ESPNL: variants seen among roughly 807,000 people sequenced by gnomAD.
ESPNL encodes the protein espin like, also known as espin-like protein.
A neutral mutation model predicts 46.8 loss-of-function variants in ESPNL; 49 were observed. The observed-to-expected ratio is 1.05, with a 90% CI of 0.83 to 1.33. The LOEUF (loss-of-function observed/expected upper bound fraction) is 1.33, where lower values mean the gene tolerates loss of function less well. Ranked by LOEUF, ESPNL falls within the 40% of genes most tolerant of loss-of-function variation. The pLI is 0.00. For synonymous variants in ESPNL, 664 were observed against 662.1 expected (o/e 1.00, Z -0.04); for missense variants, 1,540 against 1,436.6 (o/e 1.07, Z -1.16).
chr2:238,129,364 G>T, intron 8 of ESPNL: 1 of 601,782 alleles, frequency 1.7e-6, no homozygotes, highest in Non-Finnish European at 2.1e-6. Flanking sequence ...AGGGAAGAGA[G>T]GGGGAGCCCT....
At chr2:238,106,624 A>G (rs1377013809) in intron 3 of ESPNL, among the ~76,000 whole-genome samples, 1 of 152,074 alleles carries the variant, frequency 6.6e-6, no homozygotes, top group Non-Finnish European at 1.5e-5. Context: ...GTTCTGACCC[A>G]TTCACTCCAG....
Position 238,102,248 on chromosome 2 carries a change from C to T in ESPNL, c.485+117C>T, listed in dbSNP as rs1053362130. On this transcript the variant is annotated intron_variant, in intron 2 of 8. Transcript: ENST00000343063. ...TGGCCTTTGAGGTGAATCCTGCAGG[C>T]GGGCATGCTGTCACTGTGGGGGTGA... 5.0e-5 allele frequency: 45 copies of T among 905,070 alleles called. No individual in the cohort carries two copies. In the Admixed American group the frequency reaches 7.7e-4, roughly 15 times the overall value. The allele number at this position is 905,070 out of a possible 1,614,324, so 56.1% of individuals were successfully genotyped here.
intron 5 of ESPNL, among the ~76,000 whole-genome samples, chr2:238,124,696 T>C: frequency 1.0e-5 from 1 of 99,770 alleles, no homozygotes; most frequent in Non-Finnish European, 2.1e-5. Flanking sequence ...GGAGAGTACG[T>C]GCATGTGTGT....
Position 238,130,548 on chromosome 2 carries a change from G to A in ESPNL, c.1834G>A (p.Gly612Arg), listed in dbSNP as rs1396253317. Reference sequence around the variant, plus strand: ...GTCCCTGCTGCTGAAGGGCGTGCATGGGCTAGTACAGGGGGATGAGAAGCC... The same window carrying A: ...GTCCCTGCTGCTGAAGGGCGTGCATAGGCTAGTACAGGGGGATGAGAAGCC... ...SLSLLLKGVH[G>R]LVQGDEKPST... Residue 612 changes from glycine (G) to arginine (R), a missense_variant, in exon 9 of 9, where the codon GGG becomes AGG. Physicochemically the swap from Gly to Arg is moderately radical, Grantham distance 125. Transcript: ENST00000343063. 6.3e-7 allele frequency: 1 copy of A among 1,589,050 alleles called. No homozygotes were observed. Among genetic ancestry groups the A allele is most frequent in the Admixed American group, 1.8e-5 (1 of 55,930 alleles).
chr2:238,125,144 C>G, intron 5 of ESPNL, 126 bp from the exon 6 acceptor site: 1 of 504,280 alleles, frequency 2.0e-6, no homozygotes, highest in Non-Finnish European at 3.6e-6. Context: ...ACCTCCTTAC[C>G]TGTCCCAGCC....
In ESPNL at chr2:238,127,731, C is replaced by T. The variant is rs1361170324; in HGVS notation, c.1212C>T (p.Pro404=). ...TCATCACCAGTGCCACGGCTGACCC[C>T]GAGGTTCGTCCTCCACCCCTGCATT... ...PRIITSATAD[P]EGTETALAGD... is the part of the protein sequence containing the mutation. Residue 404 remains proline (P), a synonymous_variant, in exon 7 of 9, where the codon CCC becomes CCT. Transcript: ENST00000343063. 1.9e-6 allele frequency: 3 copies of T among 1,606,166 alleles called. No homozygotes were observed. Among genetic ancestry groups the T allele is most frequent in the African/African-American group, 1.3e-5 (1 of 74,928 alleles).
Position 238,116,995 on chromosome 2 carries a change from C to T in ESPNL, c.948C>T (p.His316=), listed in dbSNP as rs755661757. ...CAGACCTGGCGGAGTACCATGGACACCGGGACTGCGCCCAGTACCTGCGGG... is the reference window on the plus strand; with the variant it reads ...CAGACCTGGCGGAGTACCATGGACATCGGGACTGCGCCCAGTACCTGCGGG... ...TAADLAEYHG[H]RDCAQYLREV... is the part of the protein sequence containing the mutation. Residue 316 remains histidine, a synonymous_variant, in exon 5 of 9, where the codon CAC becomes CAT. Coordinates refer to ENST00000343063, the MANE Select transcript of ESPNL (RefSeq NM_194312.4). 1 of 1,612,398 alleles carries T rather than the reference C, an allele frequency of 6.2e-7. No homozygotes were observed. The highest frequency in any genetic ancestry group is 8.5e-7 in the Non-Finnish European group (1 of 1,179,728).
chr2:238,124,619 A>G (rs1295119561), intron 5 of ESPNL, among the ~76,000 whole-genome samples: 2 of 122,424 alleles, frequency 1.6e-5, no homozygotes, highest in Non-Finnish European at 3.4e-5. Context: ...GCAGGAGGGT[A>G]CATGCGTGTG....
intron 5 of ESPNL, among the ~76,000 whole-genome samples, chr2:238,124,594 AGTGTACGTGTGTGTGCAGGAGG>A (rs1268273302): frequency 2.0e-5 from 3 of 150,416 alleles, no homozygotes; most frequent in African/African-American, 4.9e-5. Context: ...TGTGCAGGAG[AGTGTACGTGTGTGTGCAGGAGG>A]GTACATGCGT....
At chr2:238,118,544 A>G (rs1334025717) in intron 5 of ESPNL, among the ~76,000 whole-genome samples, 1 of 95,212 alleles carries the variant, frequency 1.1e-5, no homozygotes, top group Non-Finnish European at 2.0e-5. Context: ...GGAGGAATGG[A>G]TGGAAGAGGT....
At chr2:238,105,608 G>A (rs887592815) in intron 3 of ESPNL, among the ~76,000 whole-genome samples, 8 of 152,014 alleles carry the variant, frequency 5.3e-5, no homozygotes, top group African/African-American at 1.7e-4. Flanking sequence ...CGGACAAGGA[G>A]TGGGGCCCAA....
rs1184043095 is a variant in ESPNL, at chr2:238,114,253, A to C, written c.856-2650A>C. 6.6e-6 allele frequency among the ~76,000 whole-genome samples: 1 copy of C among 151,928 alleles called. No homozygotes were observed. Among genetic ancestry groups the C allele is most frequent in the African/African-American group, 2.4e-5 (1 of 41,338 alleles). On this transcript the variant is annotated intron_variant, in intron 4 of 8. Transcript: ENST00000343063. The surrounding 1 kb of genome is among the most constrained non-coding windows in gnomAD (Gnocchi z 5.0). ...TCCTCCTCCCCATGGCTCTGTTCCT[A>C]TCAGGGCTTTGCCCTCTCTCCCCAG... is the stretch of plus-strand genomic sequence containing the variant.
At position 238,128,902 on chromosome 2, in the gene ESPNL, C is replaced by G; in HGVS notation, c.1411C>G (p.Gln471Glu). 2.6e-6 allele frequency: 4 copies of G among 1,537,770 alleles called. No homozygotes were observed. The highest frequency in any genetic ancestry group is 3.5e-6 in the Non-Finnish European group (4 of 1,143,900). The change falls in exon 8 of 9, where the codon CAG (glutamine) becomes GAG (glutamate). Residue 471 changes from glutamine to glutamate, a missense_variant and splice_region_variant. By Grantham distance (29) the Gln-to-Glu change is conservative. Coordinates refer to ENST00000343063, the MANE Select transcript of ESPNL (RefSeq NM_194312.4). The part of the protein sequence containing the change: ...RLGAESSAEA[Q>E]DNGGSSGPTE... ...GGGCGCAGAGAGCTCCGCAGAGGCCCAGGTAGGCCCCCGGCAGGGGCGGGA... is the reference window on the plus strand; with the variant it reads ...GGGCGCAGAGAGCTCCGCAGAGGCCGAGGTAGGCCCCCGGCAGGGGCGGGA...
rs763386397 is a variant in ESPNL at position 238,127,615 on chromosome 2, T to C, written c.1103-7T>C. The stretch of plus-strand genomic sequence containing the variant: ...CCTTTCTGCAACACCCTTCTTCTTC[T>C]TGGCAGCCATGTCCCTCAGCCCGGC... On this transcript the variant is annotated splice_polypyrimidine_tract_variant and splice_region_variant and intron_variant, in intron 6 of 8. Coordinates refer to ENST00000343063, the MANE Select transcript of ESPNL (RefSeq NM_194312.4). 6.3e-7 allele frequency: 1 copy of C among 1,598,278 alleles called. No individual in the cohort carries two copies. The highest frequency in any genetic ancestry group is 8.5e-7 in the Non-Finnish European group (1 of 1,172,900).
intron 5 of ESPNL, among the ~76,000 whole-genome samples, chr2:238,119,314 A>AG (rs1267496730): frequency 2.0e-5 from 2 of 99,968 alleles, no homozygotes; most frequent in South Asian, 3.8e-4. Flanking sequence ...TGGATGAAGG[A>AG]GTTGGATGGA....
Position 238,130,438 on chromosome 2 carries a change from G to T in ESPNL, c.1724G>T (p.Gly575Val). The stretch of plus-strand genomic sequence containing the variant: ...TCAATCCCAGCGGCTGAGCCCGCAG[G>T]GTCTGCGGAGGCCTCAGAGGTGGCC... ...EASIPAAEPA[G>V]SAEASEVAPG... The change falls in exon 9 of 9, where the codon GGG becomes GTG. Residue 575 changes from glycine to valine, a missense_variant. By Grantham distance (109) the Gly-to-Val change is moderately radical. Coordinates refer to ENST00000343063, the MANE Select transcript of ESPNL (RefSeq NM_194312.4). 1 of 1,605,348 alleles carries T rather than the reference G, an allele frequency of 6.2e-7. No individual in the cohort carries two copies. Among genetic ancestry groups the T allele is most frequent in the Non-Finnish European group, 8.5e-7 (1 of 1,176,858 alleles).
intron 3 of ESPNL, among the ~76,000 whole-genome samples, chr2:238,106,950 G>T (rs767517580): frequency 2.0e-5 from 3 of 152,220 alleles, no homozygotes; most frequent in African/African-American, 4.8e-5. Context: ...CCCTGGCTGC[G>T]CTAGGAGGCA....
intron 6 of ESPNL, 183 bp from the exon 7 acceptor site, chr2:238,127,439 G>C: frequency 7.5e-7 from 1 of 1,333,970 alleles, no homozygotes; most frequent in Admixed American, 3.8e-5. Context: ...GGGCCCCACT[G>C]ACTCCCCAGA....
Position 238,108,309 on chromosome 2 carries a change from T to C in ESPNL, c.855+336T>C, listed in dbSNP as rs960288103. Among the ~76,000 whole-genome samples the C allele has an allele frequency of 7.9e-5, 12 of 152,222 alleles. 1 individual carries two copies. Among genetic ancestry groups the C allele is most frequent in the African/African-American group, 2.4e-4 (10 of 41,462 alleles). On this transcript the variant is annotated intron_variant, in intron 4 of 8. Transcript: ENST00000343063. ...TGTGAGCAGCCTGCGAGTAGAGCTG[T>C]GGCAGGGGTGTGATGTCAGCCCCTT...
Sources: gnomAD v4.1 joint callset for allele counts (sites outside exome capture counted in the v4.1 genomes callset) on GRCh38, gnomAD v4.1.1 for gene constraint, Gnocchi (gnomAD v3.1) non-coding constraint, MANE v1.5 for transcripts, NCBI Gene and HGNC (gene_info 2026-07-23, HGNC 2026-07-21) for gene names.